The following SERPINI1 variants were observed in gnomAD, a reference collection of about 807,000 sequenced individuals.
SERPINI1 encodes serpin family I member 1.
Under a neutral mutation model 41.1 loss-of-function variants are expected in SERPINI1, and 19 were observed. That is an observed-to-expected ratio of 0.46 (90% confidence interval 0.32 to 0.68). SERPINI1 has a LOEUF of 0.68. Among genes scored for constraint, SERPINI1 ranks in the 30% least tolerant of loss-of-function variants. The pLI, the probability that SERPINI1 is intolerant of heterozygous loss-of-function variation, is 0.03. For missense variants in SERPINI1, 460 were observed against 479.2 expected (o/e 0.96, Z 0.37); for synonymous variants, 138 against 156.6 (o/e 0.88, Z 0.89).
chr3:167,791,509 A>G (rs566901921), intron 3 of SERPINI1, among the ~76,000 whole-genome samples: 2 of 152,348 alleles, frequency 1.3e-5, no homozygotes, highest in South Asian at 4.1e-4. Context: ...GATGACAATA[A>G]AAGAAACTTA....
chr3:167,821,896 A>T (rs1192427914), intron 6 of SERPINI1, among the ~76,000 whole-genome samples: 1 of 152,154 alleles, frequency 6.6e-6, no homozygotes, highest in Admixed American at 6.6e-5. Flanking sequence ...ACCTGGAAAA[A>T]AATTGCAACC....
chr3:167,761,458 G>T (rs1726378873), intron 1 of SERPINI1, among the ~76,000 whole-genome samples: 1 of 152,146 alleles, frequency 6.6e-6, no homozygotes, highest in Non-Finnish European at 1.5e-5. Flanking sequence ...TGGTGGGGTG[G>T]AGGACTAGTG....
chr3:167,747,915 TAA>T (rs1725913787), intron 1 of SERPINI1, among the ~76,000 whole-genome samples: 1 of 151,700 alleles, frequency 6.6e-6, no homozygotes, highest in African/African-American at 2.4e-5. Flanking sequence ...CACACTTTGT[TAA>T]AGTTTTTTTG....
intron 6 of SERPINI1, among the ~76,000 whole-genome samples, chr3:167,808,162 A>AAATAAATAAATAAATG (rs1711724145): frequency 6.6e-6 from 1 of 151,482 alleles, no homozygotes; most frequent in Non-Finnish European, 1.5e-5. Context: ...ATAAATAAAT[A>AAATAAATAAATAAATG]GTGGTTTTAA....
intron 1 of SERPINI1, among the ~76,000 whole-genome samples, chr3:167,775,556 T>A (rs796655221): frequency 4.6e-5 from 7 of 152,254 alleles, no homozygotes; most frequent in African/African-American, 1.7e-4. Flanking sequence ...TATCTGAGTA[T>A]TTTTAGACTT....
At chr3:167,786,186 A>G (rs1727299670) in intron 1 of SERPINI1, among the ~76,000 whole-genome samples, 1 of 152,164 alleles carries the variant, frequency 6.6e-6, no homozygotes, top group Admixed American at 6.5e-5. Flanking sequence ...CAGTCCTTGG[A>G]TAAGTGGGAC....
chr3:167,794,666 C>T lies in SERPINI1; in HGVS notation c.723C>T (p.Val241=). Residue 241 remains valine (V), a synonymous_variant, in exon 5 of 9, where the codon GTC becomes GTT. Transcript: ENST00000446050. The stretch of plus-strand genomic sequence containing the variant: ...ATGAAGCTGGTGGTATCTACCAAGT[C>T]CTAGAAATACCATATGAAGGAGATG... ...GSNEAGGIYQ[V]LEIPYEGDEI... 6.2e-7 allele frequency: 1 copy of T among 1,613,388 alleles called. No homozygotes were observed. The highest frequency in any genetic ancestry group is 8.5e-7 in the Non-Finnish European group (1 of 1,179,752).
chr3:167,791,623 T>G (rs1185873216), intron 3 of SERPINI1, among the ~76,000 whole-genome samples: 2 of 152,192 alleles, frequency 1.3e-5, no homozygotes, highest in Admixed American at 6.5e-5. Flanking sequence ...TTTAGACACG[T>G]TTAGCAAACA....
intron 1 of SERPINI1, among the ~76,000 whole-genome samples, chr3:167,760,742 G>A (rs530584540): frequency 6.6e-6 from 1 of 152,106 alleles, no homozygotes; most frequent in Non-Finnish European, 1.5e-5. Context: ...TCCTTCATTG[G>A]TTTCAAACGT....
intron 1 of SERPINI1, among the ~76,000 whole-genome samples, chr3:167,776,839 A>C (rs1020085604): frequency 3.3e-5 from 5 of 152,254 alleles, no homozygotes; most frequent in Non-Finnish European, 7.3e-5. Context: ...CAGCACAGAA[A>C]GTTGTGTTAG....
chr3:167,742,818 TTGTGTGTGTGTGTGTGTGTGTGTGTGTG>T (rs10576293), intron 1 of SERPINI1, among the ~76,000 whole-genome samples: 2 of 145,000 alleles, frequency 1.4e-5, no homozygotes, highest in Non-Finnish European at 3.0e-5. Flanking sequence ...TTGTGCCGTT[TTGTGTGTGTGTGTGTGTGTGTGTGTGTG>T]TGTGTGTGTG....
intron 5 of SERPINI1, among the ~76,000 whole-genome samples, chr3:167,804,760 T>G (rs1711569072): frequency 6.6e-6 from 1 of 152,158 alleles, no homozygotes; most frequent in Admixed American, 6.6e-5. Context: ...GGAGAATTGC[T>G]TGAGCCTGGG....
chr3:167,778,785 C>A (rs897154412), intron 1 of SERPINI1, among the ~76,000 whole-genome samples: 2 of 152,170 alleles, frequency 1.3e-5, no homozygotes, highest in African/African-American at 4.8e-5. Flanking sequence ...TACCATAATT[C>A]CCGAACAAGA....
At chr3:167,762,902 C>T (rs946715980) in intron 1 of SERPINI1, among the ~76,000 whole-genome samples, 9 of 151,934 alleles carry the variant, frequency 5.9e-5, no homozygotes, top group Admixed American at 5.2e-4. Flanking sequence ...CCTTTACGAA[C>T]AAATTGAATG....
At chr3:167,787,743 G>C (rs927849400) in intron 1 of SERPINI1, among the ~76,000 whole-genome samples, 1 of 152,212 alleles carries the variant, frequency 6.6e-6, no homozygotes, top group Non-Finnish European at 1.5e-5. Flanking sequence ...ACAAATGCAG[G>C]AGGGTGAAGG....
intron 5 of SERPINI1, among the ~76,000 whole-genome samples, chr3:167,805,240 C>A (rs1240108333): frequency 6.6e-6 from 1 of 152,172 alleles, no homozygotes; most frequent in African/African-American, 2.4e-5. Flanking sequence ...AATCACCATT[C>A]TGACTGGCGT....
intron 5 of SERPINI1, 85 bp downstream of exon 5, chr3:167,794,909 C>A: frequency 9.9e-7 from 1 of 1,011,170 alleles, no homozygotes; most frequent in Non-Finnish European, 1.5e-6. Context: ...CTTCGAACTG[C>A]TTTCGAATTA....
chr3:167,772,893 T>TATATATATACACAC (rs1391850018), intron 1 of SERPINI1, among the ~76,000 whole-genome samples: 3 of 52,238 alleles, frequency 5.7e-5, no homozygotes, highest in African/African-American at 2.8e-4. Context: ...TATATATATA[T>TATATATATACACAC]ACACACACAC....
At chr3:167,794,509 A>G (rs1727648854) in intron 4 of SERPINI1, 111 bp from the exon 5 acceptor site, 5 of 761,982 alleles carry the variant, frequency 6.6e-6, no homozygotes, top group Non-Finnish European at 1.0e-5. Context: ...ATTTTGTTGC[A>G]CAAGTACCTG....
Sources: gnomAD v4.1 joint callset for allele counts (sites outside exome capture counted in the v4.1 genomes callset) on GRCh38, gnomAD v4.1.1 for gene constraint, MANE v1.5 for transcripts, NCBI Gene and HGNC (gene_info 2026-07-23, HGNC 2026-07-21) for gene names.